Variants in AGAP1 observed in about 807,000 individuals in gnomAD.
AGAP1 encodes ArfGAP with GTPase domain, ankyrin repeat and PH domain 1, also known as arf-GAP with GTPase, ANK repeat and PH domain-containing protein 1.
A neutral mutation model predicts 105.3 loss-of-function variants in AGAP1; 29 were observed. The ratio of observed to expected loss-of-function variants is 0.28; its 90% CI spans 0.21 to 0.38. The LOEUF (loss-of-function observed/expected upper bound fraction) is 0.38, where lower values mean the gene tolerates loss of function less well. Among genes scored for constraint, AGAP1 ranks in the 10% least tolerant of loss-of-function variants. The pLI, the probability that AGAP1 is intolerant of heterozygous loss-of-function variation, is 1.00. For missense variants in AGAP1, 998 were observed against 1,165.1 expected (o/e 0.86, Z 2.09); for synonymous variants, 509 against 485.9 (o/e 1.05, Z -0.63).
rs1223373879 is a variant in AGAP1 at position 235,620,614 on chromosome 2, G to GC, written c.164-88561dup. Among the ~76,000 whole-genome samples the GC allele has an allele frequency of 6.6e-6, 1 of 152,122 alleles. No homozygotes were observed. Among genetic ancestry groups the GC allele is most frequent in the African/African-American group, 2.4e-5 (1 of 41,434 alleles). ...GCACCTGGCCTTCCTCCCAGCCACAGCCCCTCCTCCTCACCTCCTCACCTG... is the reference window on the plus strand; with the variant it reads ...GCACCTGGCCTTCCTCCCAGCCACAGCCCCCTCCTCCTCACCTCCTCACCTG... On this transcript the variant is annotated intron_variant, in intron 1 of 17. Coordinates refer to ENST00000304032, the MANE Select transcript of AGAP1 (RefSeq NM_001037131.3). The surrounding 1 kb of genome is among the most constrained non-coding windows in gnomAD (Gnocchi z 4.5).
chr2:235,716,696 G>A lies in AGAP1; in HGVS notation c.223-861G>A, dbSNP rs184046203. Among the ~76,000 whole-genome samples, 128 of 152,240 alleles carry A rather than the reference G, an allele frequency of 8.4e-4. 3 individuals are homozygous for A. The East Asian group carries it at 0.02, about 24-fold the overall frequency. ...TTTGATGAGCAGCTTCCCAGAGAAG[G>A]CGGCATGGGGGGTATCCAGCTCCCA... On this transcript the variant is annotated intron_variant, in intron 2 of 17. Transcript: ENST00000304032. The surrounding 1 kb of genome is among the most constrained non-coding windows in gnomAD (Gnocchi z 4.0).
Position 235,882,411 on chromosome 2 carries a change from G to A in AGAP1, c.1051-934G>A, listed in dbSNP as rs775418465. 2 of 1,582,778 alleles carry A rather than the reference G, an allele frequency of 1.3e-6. No individual in the cohort carries two copies. Among genetic ancestry groups the A allele is most frequent in the Non-Finnish European group, 1.7e-6 (2 of 1,155,726 alleles). The stretch of plus-strand genomic sequence containing the variant: ...CCCAGTGGTCTCTTTGGTCGGCAGG[G>A]TGTTCTTCTCCTGCGTCTCCGTTTT... On this transcript the variant is annotated intron_variant, in intron 9 of 17. Coordinates refer to ENST00000304032, the MANE Select transcript of AGAP1 (RefSeq NM_001037131.3). The surrounding 1 kb of genome is among the most constrained non-coding windows in gnomAD (Gnocchi z 4.6).
intron 8 of AGAP1, among the ~76,000 whole-genome samples, chr2:235,804,813 C>G (rs1957757613): frequency 6.6e-6 from 1 of 152,200 alleles, no homozygotes; most frequent in South Asian, 2.1e-4. Flanking sequence ...TGCTGCTGTT[C>G]CATTTCTGGC....
Position 236,036,499 on chromosome 2 carries a change from G to T in AGAP1, c.1646-62G>T. 1 of 1,582,452 alleles carries T rather than the reference G, an allele frequency of 6.3e-7. No homozygotes were observed. Among genetic ancestry groups the T allele is most frequent in the South Asian group, 1.2e-5 (1 of 84,510 alleles). ...CCCAGAGGCGCTTCTGTGACAGAGG[G>T]CCCGCAGGGGGACTGCTGTCTCATA... On this transcript the variant is annotated intron_variant, in intron 13 of 17. Coordinates refer to ENST00000304032, the MANE Select transcript of AGAP1 (RefSeq NM_001037131.3). The surrounding 1 kb of genome is among the most constrained non-coding windows in gnomAD (Gnocchi z 5.7).
rs1400834777 is a variant in AGAP1 at position 235,637,645 on chromosome 2, A to C, written c.164-71534A>C. The stretch of plus-strand genomic sequence containing the variant: ...TTCGGACCAGTGGGCTGTATGTTTC[A>C]GAACTTTACACATAGGAAGAGGAAG... On this transcript the variant is annotated intron_variant, in intron 1 of 17. Coordinates refer to ENST00000304032, the MANE Select transcript of AGAP1 (RefSeq NM_001037131.3). Among the ~76,000 whole-genome samples, 5 of 152,180 alleles carry C rather than the reference A, an allele frequency of 3.3e-5. No homozygotes were observed. The East Asian group carries it at 9.6e-4, about 29-fold the overall frequency.
intron 16 of AGAP1, among the ~76,000 whole-genome samples, chr2:236,067,696 TC>T (rs2058382501): frequency 6.6e-6 from 1 of 152,228 alleles, no homozygotes; most frequent in South Asian, 2.1e-4. Flanking sequence ...TGGGGTCCTG[TC>T]TTTTCTCTGT....
rs1019039071 is a variant in AGAP1 at position 235,992,250 on chromosome 2, G to A, written c.1645+23627G>A. Among the ~76,000 whole-genome samples the A allele has an allele frequency of 6.6e-6, 1 of 152,108 alleles. No homozygotes were observed. Among genetic ancestry groups the A allele is most frequent in the Non-Finnish European group, 1.5e-5 (1 of 68,016 alleles). ...TGGTTAGGAGCGCAGCGGAGGAGCC[G>A]GTCTTCCTGGGTTTGAGTTGCAGCT... On this transcript the variant is annotated intron_variant, in intron 13 of 17. Transcript: ENST00000304032. The surrounding 1 kb of genome is among the most constrained non-coding windows in gnomAD (Gnocchi z 4.8).
At chr2:235,782,512 T>C (rs1956328276) in intron 6 of AGAP1, among the ~76,000 whole-genome samples, 1 of 152,234 alleles carries the variant, frequency 6.6e-6, no homozygotes, top group Non-Finnish European at 1.5e-5. Context: ...CTTCCTTTAA[T>C]TCTTTAGATG....
rs913412964 is a variant in AGAP1, at chr2:235,845,898, A to G, written c.1051-37447A>G. 1.3e-5 allele frequency among the ~76,000 whole-genome samples: 2 copies of G among 151,818 alleles called. No individual in the cohort carries two copies. Among genetic ancestry groups the G allele is most frequent in the African/African-American group, 2.4e-5 (1 of 41,300 alleles). ...AACCTTCAGTCTGTAGCCCTCAGAT[A>G]TGCCCTCCTTCCTGCACCCCCAGAG... is the stretch of plus-strand genomic sequence containing the variant. On this transcript the variant is annotated intron_variant, in intron 9 of 17. Transcript: ENST00000304032. The surrounding 1 kb of genome is among the most constrained non-coding windows in gnomAD (Gnocchi z 4.8).
rs1022075128 is a variant in AGAP1, at chr2:235,517,040, C to T, written c.163+22191C>T. ...CTACGTTAGTCAGCTCGGGCTGCCA[C>T]GACAAAATACCACAGACTGGGAGGC... is the stretch of plus-strand genomic sequence containing the variant. On this transcript the variant is annotated intron_variant, in intron 1 of 17. Coordinates refer to ENST00000304032, the MANE Select transcript of AGAP1 (RefSeq NM_001037131.3). This position sits in a 1 kb window ranked among gnomAD's most constrained non-coding sequence, Gnocchi z 4.1. Among the ~76,000 whole-genome samples the T allele has an allele frequency of 7.9e-5, 12 of 152,306 alleles. No homozygotes were observed. The South Asian group carries it at 8.3e-4, about 11-fold the overall frequency.
chr2:235,627,521 G>A (rs1946682567), intron 1 of AGAP1, among the ~76,000 whole-genome samples: 1 of 152,178 alleles, frequency 6.6e-6, no homozygotes, highest in Non-Finnish European at 1.5e-5. Flanking sequence ...CACGGCGCCC[G>A]GCTATTTTGA....
At chr2:235,523,581 G>T (rs1195672962) in intron 1 of AGAP1, among the ~76,000 whole-genome samples, 1 of 152,154 alleles carries the variant, frequency 6.6e-6, no homozygotes, top group African/African-American at 2.4e-5. Flanking sequence ...GCCCTTAGTG[G>T]TCCTCACTGT....
At chr2:235,885,082 T>C (rs2050207869) in intron 10 of AGAP1, among the ~76,000 whole-genome samples, 1 of 152,190 alleles carries the variant, frequency 6.6e-6, no homozygotes. Context: ...AAGTTAGAAA[T>C]AGCATATTGA....
intron 1 of AGAP1, among the ~76,000 whole-genome samples, chr2:235,519,333 G>T (rs138250200): frequency 6.6e-6 from 1 of 151,978 alleles, no homozygotes; most frequent in African/African-American, 2.4e-5. Flanking sequence ...ATGGCCTCCC[G>T]AGTTGCTGGG....
Position 235,883,976 on chromosome 2 carries a change from C to A in AGAP1, c.1155+527C>A, listed in dbSNP as rs2050150124. On this transcript the variant is annotated intron_variant, in intron 10 of 17. Coordinates refer to ENST00000304032, the MANE Select transcript of AGAP1 (RefSeq NM_001037131.3). This position sits in a 1 kb window ranked among gnomAD's most constrained non-coding sequence, Gnocchi z 4.5. ...TATGTTACATATAAGTTTGTTATAT[C>A]CGTGGTGTATAAGATAGATGTATAA... is the stretch of plus-strand genomic sequence containing the variant. Among the ~76,000 whole-genome samples, 1 of 152,078 alleles carries A rather than the reference C, an allele frequency of 6.6e-6. No individual in the cohort carries two copies. Among genetic ancestry groups the A allele is most frequent in the Non-Finnish European group, 1.5e-5 (1 of 68,016 alleles).
chr2:235,876,962 C>G (rs1432690870), intron 9 of AGAP1, among the ~76,000 whole-genome samples: 2 of 151,800 alleles, frequency 1.3e-5, no homozygotes, highest in East Asian at 3.9e-4. Context: ...ATTCTTCTGC[C>G]TCAGCCTCCC....
chr2:235,542,119 T>C (rs4663607), intron 1 of AGAP1, among the ~76,000 whole-genome samples: 83,343 of 152,102 alleles, frequency 0.55, 23,519 homozygotes, highest in Admixed American at 0.63. Context: ...CTCTCAAGGC[T>C]AGAACTGTTT....
rs918365538 is a variant in AGAP1, at chr2:235,733,148, G to C, written c.311-7815G>C. ...AGGTTCCCTTCACCCATCCTGCGGG[G>C]TGGGAGGAATATATCATTGTTCCCC... On this transcript the variant is annotated intron_variant, in intron 3 of 17. Transcript: ENST00000304032. This position sits in a 1 kb window ranked among gnomAD's most constrained non-coding sequence, Gnocchi z 5.0. 1.3e-5 allele frequency among the ~76,000 whole-genome samples: 2 copies of C among 152,306 alleles called. No individual in the cohort carries two copies. Among genetic ancestry groups the C allele is most frequent in the Non-Finnish European group, 2.9e-5 (2 of 68,024 alleles).
At position 235,829,048 on chromosome 2, in the gene AGAP1, C is replaced by CT. The variant is rs1220487906; in HGVS notation, c.1050+21720dup. ...GATGTCTCTCTTTTATTCCTGTTGT[C>CT]TTTCAACATTTGGGCTACTGGGTAG... On this transcript the variant is annotated intron_variant, in intron 9 of 17. Transcript: ENST00000304032. Among the ~76,000 whole-genome samples the CT allele has an allele frequency of 2.0e-5, 3 of 151,818 alleles. No individual in the cohort carries two copies. In the South Asian group the frequency reaches 6.4e-4, roughly 32 times the overall value.
Sources: allele counts gnomAD v4.1 joint callset (sites outside exome capture counted in the v4.1 genomes callset), GRCh38; gene constraint gnomAD v4.1.1; non-coding constraint Gnocchi (gnomAD v3.1); transcripts MANE v1.5; gene names NCBI Gene and HGNC (gene_info 2026-07-23, HGNC 2026-07-21).